The following AIG1 variants were observed in gnomAD, a reference collection of about 807,000 sequenced individuals.
AIG1 encodes the protein androgen-induced gene 1 protein.
A neutral mutation model predicts 31.4 loss-of-function variants in AIG1; 23 were observed. The ratio of observed to expected loss-of-function variants is 0.73; its 90% confidence interval spans 0.53 to 1.04. The LOEUF is 1.04. Among genes scored for constraint, AIG1 ranks in the 50% least tolerant of loss-of-function variants. AIG1 has a pLI of 0.00. For missense variants in AIG1, 274 were observed against 295.0 expected (o/e 0.93, Z 0.52); for synonymous variants, 100 against 110.5 (o/e 0.90, Z 0.60).
chr6:143,342,603 G>A (rs1777879301), downstream of AIG1: 29 of 1,072,326 alleles, frequency 2.7e-5, 1 homozygote, highest in Admixed American at 4.9e-4. Context: ...CTGCTATTTG[G>A]CAATACGAAT....
At chr6:143,267,922 A>T (rs114536969) in intron 3 of AIG1, among the ~76,000 whole-genome samples, 91 of 152,256 alleles carry the variant, frequency 6.0e-4, no homozygotes, top group African/African-American at 2.1e-3. Flanking sequence ...ACGAGGAAGG[A>T]TCTGCAGCTG....
At chr6:143,228,131 G>T (rs929538895) in intron 3 of AIG1, among the ~76,000 whole-genome samples, 2 of 152,130 alleles carry the variant, frequency 1.3e-5, no homozygotes, top group African/African-American at 4.8e-5. Flanking sequence ...ACCAGTCCCT[G>T]TGTTACCTCC....
intron 3 of AIG1, among the ~76,000 whole-genome samples, chr6:143,270,010 A>G (rs570509974): frequency 2.4e-4 from 36 of 152,348 alleles, no homozygotes; most frequent in African/African-American, 8.4e-4. Flanking sequence ...GTGAAGGAAG[A>G]AGAAGGAAGG....
intron 3 of AIG1, among the ~76,000 whole-genome samples, chr6:143,208,817 T>G (rs1056047319): frequency 6.6e-6 from 1 of 151,968 alleles, no homozygotes; most frequent in Non-Finnish European, 1.5e-5. Flanking sequence ...TCTCCTAGGA[T>G]CCTTAAAAAA....
intron 5 of AIG1, chr6:143,335,316 G>A (rs1431536876): frequency 1.2e-5 from 4 of 335,950 alleles, no homozygotes; most frequent in African/African-American, 6.4e-5. Context: ...GGTGGATCAC[G>A]AGGTCAAGAG....
rs547085552 is a variant in AIG1, at chr6:143,133,947, A to G, written c.142-2888A>G. On this transcript the variant is annotated intron_variant, in intron 1 of 5. Transcript: ENST00000357847. ...TGCCTATAAACAAAAATCCCACAGA[A>G]ATTTTACATATAATGCAGTAACTAG... Among the ~76,000 whole-genome samples, 4 of 152,140 alleles carry G rather than the reference A, an allele frequency of 2.6e-5. No homozygotes were observed. In the South Asian group the frequency reaches 6.2e-4, roughly 24 times the overall value.
intron 2 of AIG1, among the ~76,000 whole-genome samples, chr6:143,158,916 G>A (rs2128556487): frequency 6.6e-6 from 1 of 152,316 alleles, no homozygotes; most frequent in Admixed American, 6.5e-5. Flanking sequence ...GCCAGGCAGT[G>A]GGGAACCAGT....
In AIG1 at chr6:143,226,173, C is replaced by T. The variant is rs532063573; in HGVS notation, c.400-57937C>T. On this transcript the variant is annotated intron_variant, in intron 3 of 5. Coordinates refer to ENST00000357847, the MANE Select transcript of AIG1 (RefSeq NM_016108.4). ...TTACAAAAGTGCTCAGGTATAATGA[C>T]AAGAGTCACATCTGTTCAGGCTTGC... Among the ~76,000 whole-genome samples, 28 of 152,088 alleles carry T rather than the reference C, an allele frequency of 1.8e-4. 1 individual carries two copies. In the South Asian group the frequency reaches 3.9e-3, roughly 21 times the overall value.
chr6:143,230,199 A>G (rs1179731735), intron 3 of AIG1, among the ~76,000 whole-genome samples: 2 of 152,166 alleles, frequency 1.3e-5, no homozygotes, highest in Non-Finnish European at 2.9e-5. Context: ...TGATATTGCT[A>G]TTGATACATG....
At chr6:143,199,337 T>C (rs1304612132) in intron 3 of AIG1, among the ~76,000 whole-genome samples, 3 of 152,086 alleles carry the variant, frequency 2.0e-5, no homozygotes, top group African/African-American at 7.2e-5. Context: ...GATGTCTGAA[T>C]TTGCTTTAAA....
rs925321225 is a variant in AIG1, at chr6:143,337,931, T to C, written c.680-1708T>C. On this transcript the variant is annotated intron_variant, in intron 5 of 5. Coordinates refer to ENST00000357847, the MANE Select transcript of AIG1 (RefSeq NM_016108.4). Reference sequence around the variant, plus strand: ...GCCTGGAAATTTTATCTCTGGTTCTTGCAAACATTATTTACAGCTGTCTAA... The same window carrying C: ...GCCTGGAAATTTTATCTCTGGTTCTCGCAAACATTATTTACAGCTGTCTAA... 3 of 398,696 alleles carry C rather than the reference T, an allele frequency of 7.5e-6. No homozygotes were observed. In the East Asian group the frequency reaches 1.1e-4, roughly 14 times the overall value. The allele number at this position is 398,696 out of a possible 1,614,324, so 24.7% of individuals were successfully genotyped here. A position where few individuals can be genotyped will look rare whatever the true frequency, so the allele number is the denominator to read the frequency against.
At chr6:143,211,837 G>T (rs1274038945) in intron 3 of AIG1, among the ~76,000 whole-genome samples, 2 of 151,754 alleles carry the variant, frequency 1.3e-5, no homozygotes, top group African/African-American at 4.8e-5. Flanking sequence ...AGGTTGCAGT[G>T]CGCTGAGATC....
chr6:143,265,161 T>C (rs1796070710), intron 3 of AIG1, among the ~76,000 whole-genome samples: 1 of 152,154 alleles, frequency 6.6e-6, no homozygotes, highest in Non-Finnish European at 1.5e-5. Flanking sequence ...CAAAGGAAGA[T>C]GAACTACAAG....
chr6:143,283,786 A>C lies in AIG1; in HGVS notation c.400-324A>C, dbSNP rs1797508006. On this transcript the variant is annotated intron_variant, in intron 3 of 5. Transcript: ENST00000357847. ...CAGGGAGGGAAAAAATGGGACGTACACCAAAATGTTAACAGTGGTGATTGT... is the reference window on the plus strand; with the variant it reads ...CAGGGAGGGAAAAAATGGGACGTACCCCAAAATGTTAACAGTGGTGATTGT... Among the ~76,000 whole-genome samples, 3 of 152,242 alleles carry C rather than the reference A, an allele frequency of 2.0e-5. No homozygotes were observed. In the South Asian group the frequency reaches 6.2e-4, roughly 32 times the overall value.
chr6:143,182,337 T>C (rs1306133895), intron 3 of AIG1, among the ~76,000 whole-genome samples: 1 of 152,178 alleles, frequency 6.6e-6, no homozygotes, highest in African/African-American at 2.4e-5. Flanking sequence ...CCTGGCCTTT[T>C]TTCTCTTTAG....
intron 3 of AIG1, among the ~76,000 whole-genome samples, chr6:143,257,766 G>A (rs1795469492): frequency 1.3e-5 from 2 of 152,152 alleles, no homozygotes; most frequent in Admixed American, 1.3e-4. Flanking sequence ...TGGGTCTTGG[G>A]TCATCTGTGA....
rs1394990811 is a variant in AIG1, at chr6:143,330,002, A to G, written c.516-3280A>G. Among the ~76,000 whole-genome samples, 1 of 152,124 alleles carries G rather than the reference A, an allele frequency of 6.6e-6. No homozygotes were observed. Among genetic ancestry groups the G allele is most frequent in the Non-Finnish European group, 1.5e-5 (1 of 68,018 alleles). ...GTGACAAAAAGCATAAAGATTTTGG[A>G]GGTTTTTTTTGAGATTAAAAAAAAT... On this transcript the variant is annotated intron_variant, in intron 4 of 5. Transcript: ENST00000357847. The surrounding 1 kb of genome is among the most constrained non-coding windows in gnomAD (Gnocchi z 4.4).
At chr6:143,105,189 C>A (rs9496520) in intron 1 of AIG1, among the ~76,000 whole-genome samples, 2,194 of 152,262 alleles carry the variant, frequency 0.014, 53 homozygotes, top group African/African-American at 0.049. Flanking sequence ...GTTAATGGAG[C>A]ATCCCATGCC....
intron 3 of AIG1, among the ~76,000 whole-genome samples, chr6:143,266,373 A>T (rs1796160589): frequency 6.6e-6 from 1 of 151,466 alleles, no homozygotes; most frequent in Non-Finnish European, 1.5e-5. Flanking sequence ...AAAGAATAAT[A>T]ATATGGCCCA....
Sources: gnomAD v4.1 joint callset for allele counts (sites outside exome capture counted in the v4.1 genomes callset) on GRCh38, gnomAD v4.1.1 for gene constraint, Gnocchi (gnomAD v3.1) non-coding constraint, MANE v1.5 for transcripts, NCBI Gene and HGNC (gene_info 2026-07-23, HGNC 2026-07-21) for gene names.